The following MDGA2 variants were observed in gnomAD, a reference collection of about 807,000 sequenced individuals.
The protein encoded by MDGA2 is MAM domain containing glycosylphosphatidylinositol anchor 2.
MDGA2 carries 40 observed loss-of-function variants against 117.8 expected under a neutral mutation model. The observed-to-expected ratio is 0.34, with a 90% confidence interval of 0.26 to 0.44. MDGA2 has a LOEUF of 0.44. MDGA2 is among the 20% of genes least tolerant of loss of function. The probability of loss-of-function intolerance (pLI) is 1.00; values close to 1 mark genes in which losing one functional copy is unlikely to be tolerated. For synonymous variants in MDGA2, 452 were observed against 439.0 expected (o/e 1.03, Z -0.37); for missense variants, 1,123 against 1,250.6 (o/e 0.90, Z 1.54).
At chr14:46,857,692 T>A (rs1385451073) in intron 14 of MDGA2, among the ~76,000 whole-genome samples, 1 of 152,188 alleles carries the variant, frequency 6.6e-6, no homozygotes, top group Non-Finnish European at 1.5e-5. Flanking sequence ...TCTTGCTCTG[T>A]CACCCAGACT....
At chr14:47,383,780 C>A (rs1208476845) in intron 1 of MDGA2, among the ~76,000 whole-genome samples, 1 of 152,096 alleles carries the variant, frequency 6.6e-6, no homozygotes, top group African/African-American at 2.4e-5. Context: ...ACGCCTCAGC[C>A]TCCCAAATTG....
At chr14:47,460,805 G>A (rs370350887) in intron 1 of MDGA2, among the ~76,000 whole-genome samples, 1 of 152,018 alleles carries the variant, frequency 6.6e-6, no homozygotes, top group African/African-American at 2.4e-5. Flanking sequence ...TCCATTGTTC[G>A]CCTTGGAATG....
rs534347223 is a variant in MDGA2, at chr14:47,382,253, A to G, written c.281-80703T>C. 5.3e-5 allele frequency among the ~76,000 whole-genome samples: 8 copies of G among 152,340 alleles called. No homozygotes were observed. In the East Asian group the frequency reaches 5.8e-4, roughly 11 times the overall value. ...TTAGACCTAAAACCATAAAATCCCT[A>G]GAAGAAAACCTAGGCAACACCATTC... On this transcript the variant is annotated intron_variant, in intron 1 of 16. Transcript: ENST00000399232.
chr14:47,260,181 G>A (rs1455692142), intron 2 of MDGA2, among the ~76,000 whole-genome samples: 1 of 152,060 alleles, frequency 6.6e-6, no homozygotes, highest in East Asian at 1.9e-4. Context: ...TGGAGAAAAT[G>A]GGTACAAAGT....
rs115412663 is a variant in MDGA2, at chr14:47,197,939, A to T, written c.595+20082T>A. ...CAGAAAGGACCATAACAGCCAAGAA[A>T]GCTTATATTATTTTAGCACTATGGA... On this transcript the variant is annotated intron_variant, in intron 3 of 16. Coordinates refer to ENST00000399232, the MANE Select transcript of MDGA2 (RefSeq NM_001113498.3). Among the ~76,000 whole-genome samples the T allele has an allele frequency of 2.2e-3, 340 of 152,252 alleles. 3 individuals carry two copies. Among genetic ancestry groups the T allele is most frequent in the African/African-American group, 7.7e-3 (321 of 41,580 alleles).
At chr14:47,179,711 TAAAC>T (rs1012735755) in intron 3 of MDGA2, among the ~76,000 whole-genome samples, 2 of 152,100 alleles carry the variant, frequency 1.3e-5, no homozygotes, top group African/African-American at 2.4e-5. Flanking sequence ...TGAAGAATGT[TAAAC>T]TAACAATTAT....
At chr14:46,850,529 G>T (rs908723408) in intron 15 of MDGA2, among the ~76,000 whole-genome samples, 4 of 151,776 alleles carry the variant, frequency 2.6e-5, no homozygotes, top group Non-Finnish European at 5.9e-5. Context: ...TTTGAAAATT[G>T]ACAGTATATG....
intron 8 of MDGA2, among the ~76,000 whole-genome samples, chr14:47,018,029 A>C (rs914837108): frequency 1.3e-5 from 2 of 152,266 alleles, no homozygotes; most frequent in African/African-American, 4.8e-5. Flanking sequence ...GCACTAGTAC[A>C]TGCAGAAACA....
In MDGA2 at chr14:47,319,076, A is replaced by C. The variant is rs186244115; in HGVS notation, c.281-17526T>G. Among the ~76,000 whole-genome samples, 83 of 152,268 alleles carry C rather than the reference A, an allele frequency of 5.5e-4. 1 individual carries two copies. Among genetic ancestry groups the C allele is most frequent in the Admixed American group, 4.3e-3 (66 of 15,286 alleles). ...TATTATGTGGTAACTTTTACATATAAAAATGTCTGAAAGTGTGCTGCTTAA... is the reference window on the plus strand; with the variant it reads ...TATTATGTGGTAACTTTTACATATACAAATGTCTGAAAGTGTGCTGCTTAA... On this transcript the variant is annotated intron_variant, in intron 1 of 16. Transcript: ENST00000399232.
intron 1 of MDGA2, among the ~76,000 whole-genome samples, chr14:47,640,320 C>T (rs998230582): frequency 9.2e-5 from 14 of 152,024 alleles, no homozygotes; most frequent in African/African-American, 3.4e-4. Flanking sequence ...AGTGAGTCTT[C>T]CCTCATTTAA....
At chr14:47,641,092 C>A (rs1192824708) in intron 1 of MDGA2, among the ~76,000 whole-genome samples, 1 of 151,904 alleles carries the variant, frequency 6.6e-6, no homozygotes, top group African/African-American at 2.4e-5. Context: ...CATTAAATTA[C>A]TCATTTAATT....
chr14:47,288,594 GTAGAAGATAATGTTT>G (rs1888770374), intron 2 of MDGA2, among the ~76,000 whole-genome samples: 1 of 152,136 alleles, frequency 6.6e-6, no homozygotes, highest in Non-Finnish European at 1.5e-5. Context: ...GGGCCAGGTT[GTAGAAGATAATGTTT>G]TCTCATGTAC....
At chr14:47,437,140 T>C (rs1196086980) in intron 1 of MDGA2, among the ~76,000 whole-genome samples, 1 of 152,010 alleles carries the variant, frequency 6.6e-6, no homozygotes, top group East Asian at 1.9e-4. Flanking sequence ...CTGTGAGAAA[T>C]AAGGTCAGAT....
intron 2 of MDGA2, among the ~76,000 whole-genome samples, chr14:47,298,740 A>G (rs1355715514): frequency 5.6e-5 from 8 of 143,540 alleles, no homozygotes; most frequent in African/African-American, 2.1e-4. Context: ...GCTGGAGTGC[A>G]GTGGCACGAT....
At chr14:47,602,466 TA>T (rs11375173) in intron 1 of MDGA2, among the ~76,000 whole-genome samples, 1,874 of 149,202 alleles carry the variant, frequency 0.013, 32 homozygotes, top group African/African-American at 0.034. Flanking sequence ...GCTCTTTATT[TA>T]AAAAAAAAAA....
At chr14:47,579,574 C>T (rs73262360) in intron 1 of MDGA2, among the ~76,000 whole-genome samples, 4,699 of 151,778 alleles carry the variant, frequency 0.031, 253 homozygotes, top group African/African-American at 0.1. Context: ...AAAATGATAC[C>T]GCTAAAATCC....
intron 7 of MDGA2, among the ~76,000 whole-genome samples, chr14:47,050,345 C>A (rs963293769): frequency 2.0e-5 from 3 of 152,138 alleles, no homozygotes; most frequent in Admixed American, 6.6e-5. Flanking sequence ...AAGTGTTTAA[C>A]CTAGCAATGA....
intron 1 of MDGA2, among the ~76,000 whole-genome samples, chr14:47,337,117 T>C (rs543295348): frequency 1.3e-5 from 2 of 152,204 alleles, no homozygotes; most frequent in Non-Finnish European, 2.9e-5. Context: ...ACCCTAATAC[T>C]AACTATAACT....
At chr14:46,885,227 A>G (rs145683406) in intron 10 of MDGA2, among the ~76,000 whole-genome samples, 1 of 152,266 alleles carries the variant, frequency 6.6e-6, no homozygotes, top group Non-Finnish European at 1.5e-5. Context: ...CAAATTTAAA[A>G]TTAATTAAAT....
Sources: gnomAD v4.1 joint callset for allele counts (sites outside exome capture counted in the v4.1 genomes callset) on GRCh38, gnomAD v4.1.1 for gene constraint, MANE v1.5 for transcripts, NCBI Gene and HGNC (gene_info 2026-07-23, HGNC 2026-07-21) for gene names.